CACHD1: variants seen among roughly 807,000 people sequenced by gnomAD.
CACHD1 encodes cache domain containing 1.
A neutral mutation model predicts 138.7 loss-of-function variants in CACHD1; 71 were observed. The ratio of observed to expected loss-of-function variants is 0.51; its 90% CI spans 0.42 to 0.62. The LOEUF is 0.62. CACHD1 is among the 20% of genes least tolerant of loss of function. The pLI, the probability that CACHD1 is intolerant of heterozygous loss-of-function variation, is 0.00. For synonymous variants in CACHD1, 578 were observed against 591.5 expected, an observed-to-expected ratio of 0.98 and a Z score of 0.33; for missense variants, 1,389 against 1,625.3, an observed-to-expected ratio of 0.85 and a Z score of 2.50.
chr1:64,471,024 G>A, intron 1 of CACHD1, 82 bp downstream of exon 1: 1 of 1,377,512 alleles, frequency 7.3e-7, no homozygotes, highest in Non-Finnish European at 9.8e-7. Flanking sequence ...CAAGTCCCCT[G>A]GACTGTGTGC....
At chr1:64,503,631 C>A (rs1317407427) in intron 1 of CACHD1, among the ~76,000 whole-genome samples, 4 of 152,158 alleles carry the variant, frequency 2.6e-5, no homozygotes, top group African/African-American at 7.2e-5. Context: ...TTTTGTTTAA[C>A]TCATGTTAAA....
chr1:64,689,457 C>T (rs759846150), intron 26 of CACHD1, among the ~76,000 whole-genome samples: 3 of 152,142 alleles, frequency 2.0e-5, no homozygotes, highest in African/African-American at 4.8e-5. Context: ...TCTGTCCAAT[C>T]CCACTGCCCT....
intron 3 of CACHD1, among the ~76,000 whole-genome samples, chr1:64,585,247 A>G: frequency 6.6e-6 from 1 of 152,216 alleles, no homozygotes; most frequent in South Asian, 2.1e-4. Flanking sequence ...AGCCAAGAAC[A>G]CACATGTGTG....
At chr1:64,511,780 G>A (rs1351317165) in intron 1 of CACHD1, among the ~76,000 whole-genome samples, 3 of 152,182 alleles carry the variant, frequency 2.0e-5, no homozygotes, top group Non-Finnish European at 4.4e-5. Flanking sequence ...CAGCAAAGTG[G>A]TTATGAACCC....
chr1:64,656,491 C>G (rs927206410), intron 12 of CACHD1, among the ~76,000 whole-genome samples: 4 of 152,148 alleles, frequency 2.6e-5, no homozygotes, highest in Admixed American at 2.0e-4. Context: ...CCAACATATT[C>G]TGATTGAAAG....
In CACHD1 at chr1:64,496,717, T is replaced by C. The variant is rs561422702; in HGVS notation, c.198+25775T>C. On this transcript the variant is annotated intron_variant, in intron 1 of 26. Transcript: ENST00000651257. ...GAGAGGTGAAGTGAGTCAAAGTCTC[T>C]TCCAGCTGAGCCAACCTCGGAAAGC... 9.3e-4 allele frequency among the ~76,000 whole-genome samples: 142 copies of C among 152,182 alleles called. 2 individuals are homozygous for C. Among genetic ancestry groups the C allele is most frequent in the Non-Finnish European group, 1.6e-3 (111 of 68,004 alleles).
intron 1 of CACHD1, among the ~76,000 whole-genome samples, chr1:64,514,129 A>G (rs1646441968): frequency 1.3e-5 from 2 of 152,208 alleles, no homozygotes; most frequent in Admixed American, 6.5e-5. Context: ...AACCTTAGCT[A>G]TCAAGATAAA....
At chr1:64,688,887 A>T (rs369132839) in intron 26 of CACHD1, among the ~76,000 whole-genome samples, 2 of 151,812 alleles carry the variant, frequency 1.3e-5, no homozygotes, top group African/African-American at 4.8e-5. Context: ...GTCTTTACCT[A>T]CTTAGCCCCT....
At chr1:64,632,289 C>G (rs1648337650) in intron 5 of CACHD1, among the ~76,000 whole-genome samples, 1 of 143,486 alleles carries the variant, frequency 7.0e-6, no homozygotes, top group Non-Finnish European at 1.5e-5. Flanking sequence ...GAGAGAAAAG[C>G]AGGATGTTAG....
At position 64,569,083 on chromosome 1, in the gene CACHD1, G is replaced by C. The variant is rs770457368; in HGVS notation, c.262-13073G>C. On this transcript the variant is annotated intron_variant, in intron 2 of 26. Transcript: ENST00000651257. ...ATTACAGGCATGCGCCACCACACCC[G>C]GCTAATTTTTTATTTTTAGTAGAGA... Among the ~76,000 whole-genome samples, 9 of 151,064 alleles carry C rather than the reference G, an allele frequency of 6.0e-5. No individual in the cohort carries two copies. The East Asian group carries it at 1.4e-3, about 23-fold the overall frequency.
At chr1:64,483,165 G>A (rs1646220874) in intron 1 of CACHD1, among the ~76,000 whole-genome samples, 1 of 152,158 alleles carries the variant, frequency 6.6e-6, no homozygotes, top group African/African-American at 2.4e-5. Flanking sequence ...ACAGTATCAA[G>A]CACATTAGGA....
At chr1:64,605,488 T>C (rs1294788855) in intron 4 of CACHD1, among the ~76,000 whole-genome samples, 1 of 152,194 alleles carries the variant, frequency 6.6e-6, no homozygotes, top group African/African-American at 2.4e-5. Flanking sequence ...ATGGACGACT[T>C]TCAAATGCAT....
intron 2 of CACHD1, among the ~76,000 whole-genome samples, chr1:64,571,575 A>T (rs1646927108): frequency 6.6e-6 from 1 of 152,210 alleles, no homozygotes; most frequent in South Asian, 2.1e-4. Flanking sequence ...TGTGAGGGTA[A>T]GGAAGTGCTT....
intron 25 of CACHD1, among the ~76,000 whole-genome samples, chr1:64,681,544 T>TTTTTTTGTTTG (rs751369042): frequency 1.8e-5 from 2 of 110,594 alleles, no homozygotes; most frequent in East Asian, 5.0e-4. Context: ...TTATTGTGTT[T>TTTTTTTGTTTG]TTTTTTTTTT....
At chr1:64,472,862 C>T (rs1367736174) in intron 1 of CACHD1, among the ~76,000 whole-genome samples, 4 of 151,326 alleles carry the variant, frequency 2.6e-5, no homozygotes, top group African/African-American at 7.2e-5. Flanking sequence ...CCTATCCCGC[C>T]CCCCCACGCC....
At chr1:64,598,071 G>C (rs1490193617) in intron 3 of CACHD1, among the ~76,000 whole-genome samples, 2 of 152,186 alleles carry the variant, frequency 1.3e-5, no homozygotes, top group Non-Finnish European at 2.9e-5. Flanking sequence ...AAAGTAACAA[G>C]GATGGCTGAG....
chr1:64,679,734 T>G lies in CACHD1; in HGVS notation c.3384T>G (p.His1128Gln). 6.2e-7 allele frequency: 1 copy of G among 1,614,004 alleles called. No individual in the cohort carries two copies. The highest frequency in any genetic ancestry group is 8.5e-7 in the Non-Finnish European group (1 of 1,180,014). The change falls in exon 24 of 27, where the codon CAT becomes CAG. Residue 1128 changes from histidine (H) to glutamine (Q), a missense_variant. Physicochemically the swap from His to Gln is conservative, Grantham distance 24 (BLOSUM62 0). Around this residue, in one of 5 missense-constraint regions of CACHD1, gnomAD observed 250 missense variants for 292.9 expected, o/e 0.85. Transcript: ENST00000651257. ...AGATTCATCGCCGGAGCCATCAGCA[T>G]ATGTCTCCTCTTGCTGCCCAAGGTG... Reference protein sequence around the residue: ...RHQIHRRSHQHMSPLAAQEMS... With the variant: ...RHQIHRRSHQQMSPLAAQEMS...
At chr1:64,597,463 G>A (rs893612540) in intron 3 of CACHD1, among the ~76,000 whole-genome samples, 8 of 151,436 alleles carry the variant, frequency 5.3e-5, no homozygotes, top group African/African-American at 2.4e-5. Flanking sequence ...TTTCTCCCTC[G>A]GGATGCAGTT....
intron 1 of CACHD1, among the ~76,000 whole-genome samples, chr1:64,511,142 T>C (rs1263551999): frequency 1.3e-5 from 2 of 152,170 alleles, no homozygotes; most frequent in Non-Finnish European, 1.5e-5. Context: ...TGGAGTACGG[T>C]ATGTAGTAGG....
Sources: allele counts gnomAD v4.1 joint callset (sites outside exome capture counted in the v4.1 genomes callset), GRCh38; gene constraint gnomAD v4.1.1; regional missense constraint gnomAD v4.1.1; transcripts MANE v1.5; gene names NCBI Gene and HGNC (gene_info 2026-07-23, HGNC 2026-07-21).